The following KCNQ5 variants were observed in gnomAD, a reference collection of about 807,000 sequenced individuals.
KCNQ5 encodes the protein potassium voltage-gated channel subfamily Q member 5, also known as potassium voltage-gated channel subfamily KQT member 5.
A neutral mutation model predicts 98.2 loss-of-function variants in KCNQ5; 30 were observed. That is an observed-to-expected ratio of 0.31 (90% CI 0.23 to 0.41). The LOEUF (loss-of-function observed/expected upper bound fraction) is 0.41. Among genes scored for constraint, KCNQ5 ranks in the 10% least tolerant of loss-of-function variants. KCNQ5 has a pLI of 1.00. For missense variants in KCNQ5, 835 were observed against 1,182.5 expected (o/e 0.71, Z 4.31); for synonymous variants, 458 against 449.4 (o/e 1.02, Z -0.24).
At chr6:73,062,329 A>C (rs1468481850) in intron 3 of KCNQ5, among the ~76,000 whole-genome samples, 1 of 152,180 alleles carries the variant, frequency 6.6e-6, no homozygotes, top group East Asian at 1.9e-4. Context: ...AGCGTCTTCT[A>C]TGCAAACCAT....
chr6:72,788,618 T>C (rs1217015545), intron 1 of KCNQ5, among the ~76,000 whole-genome samples: 1 of 152,252 alleles, frequency 6.6e-6, no homozygotes, highest in African/African-American at 2.4e-5. Flanking sequence ...TATTTTATTG[T>C]TTGAACAAAT....
chr6:73,103,783 G>A (rs1034142136), intron 5 of KCNQ5, among the ~76,000 whole-genome samples: 11 of 152,054 alleles, frequency 7.2e-5, no homozygotes, highest in Non-Finnish European at 1.0e-4. Flanking sequence ...AGTGAATAAC[G>A]TCTAGTATTT....
intron 11 of KCNQ5, among the ~76,000 whole-genome samples, chr6:73,188,313 T>C (rs1765457661): frequency 6.6e-6 from 1 of 152,180 alleles, no homozygotes; most frequent in South Asian, 2.1e-4. Flanking sequence ...TCTTATCAAG[T>C]GCTATTGAAG....
At chr6:72,790,815 C>T (rs766995716) in intron 1 of KCNQ5, among the ~76,000 whole-genome samples, 2 of 151,976 alleles carry the variant, frequency 1.3e-5, no homozygotes, top group Admixed American at 6.6e-5. Context: ...ATAAAGTACA[C>T]GGTATTAAAC....
At chr6:73,075,167 T>G (rs908648237) in intron 3 of KCNQ5, among the ~76,000 whole-genome samples, 6 of 152,108 alleles carry the variant, frequency 3.9e-5, no homozygotes, top group African/African-American at 1.4e-4. Context: ...ATGCATATAT[T>G]CACTTCAGCT....
At chr6:72,739,869 G>C (rs886583046) in intron 1 of KCNQ5, among the ~76,000 whole-genome samples, 1 of 152,138 alleles carries the variant, frequency 6.6e-6, no homozygotes, top group Non-Finnish European at 1.5e-5. Context: ...AATATTTATA[G>C]CACTGTAAGT....
At chr6:72,946,317 G>A (rs868579403) in intron 1 of KCNQ5, among the ~76,000 whole-genome samples, 1 of 152,020 alleles carries the variant, frequency 6.6e-6, no homozygotes, top group Non-Finnish European at 1.5e-5. Flanking sequence ...CTATTAAAAG[G>A]AATAAAAATA....
At chr6:72,945,887 C>T (rs930364431) in intron 1 of KCNQ5, among the ~76,000 whole-genome samples, 3 of 152,136 alleles carry the variant, frequency 2.0e-5, no homozygotes, top group African/African-American at 7.2e-5. Context: ...ATTGACCGCT[C>T]ACAAATTTTA....
intron 1 of KCNQ5, among the ~76,000 whole-genome samples, chr6:72,735,031 G>A (rs1561950001): frequency 6.6e-6 from 1 of 152,148 alleles, no homozygotes; most frequent in Non-Finnish European, 1.5e-5. Context: ...CAAGAGGAAG[G>A]CCATTGGTTA....
In KCNQ5 at chr6:72,710,005, T is replaced by A. The variant is rs189959867; in HGVS notation, c.398+87418T>A. Among the ~76,000 whole-genome samples the A allele has an allele frequency of 2.2e-3, 331 of 151,968 alleles. 5 individuals are homozygous for A. Among genetic ancestry groups the A allele is most frequent in the Admixed American group, 0.019 (291 of 15,266 alleles). On this transcript the variant is annotated intron_variant, in intron 1 of 13. Transcript: ENST00000370398. ...TAAAGCTATATAAGGGCACAGAAAA[T>A]TTGAGGGGTTGAAATAACATGTTTA...
At position 72,751,151 on chromosome 6, in the gene KCNQ5, A is replaced by G. The variant is rs545209775; in HGVS notation, c.398+128564A>G. On this transcript the variant is annotated intron_variant, in intron 1 of 13. Transcript: ENST00000370398. ...TAGGGAGGGAGACACATAGGAGAGT[A>G]AGAAGTAGCATTTGAATTGGATTTT... Among the ~76,000 whole-genome samples, 10 of 152,170 alleles carry G rather than the reference A, an allele frequency of 6.6e-5. 1 individual carries two copies. Among genetic ancestry groups the G allele is most frequent in the African/African-American group, 2.4e-4 (10 of 41,548 alleles).
chr6:72,973,208 T>C lies in KCNQ5; in HGVS notation c.399-30700T>C, dbSNP rs74413876. 2.2e-3 allele frequency among the ~76,000 whole-genome samples: 337 copies of C among 152,336 alleles called. 2 individuals carry two copies. The highest frequency in any genetic ancestry group is 7.8e-3 in the African/African-American group (325 of 41,576). On this transcript the variant is annotated intron_variant, in intron 1 of 13. Transcript: ENST00000370398. ...GTTACAGGTTATCATAGTCATATCA[T>C]ATTGATAGGCCTATAAATGTTTTAC...
intron 1 of KCNQ5, among the ~76,000 whole-genome samples, chr6:72,846,491 T>C (rs147641794): frequency 1.3e-5 from 2 of 149,600 alleles, no homozygotes; most frequent in East Asian, 3.9e-4. Flanking sequence ...CTAGGAAACA[T>C]AGTGAGACCT....
chr6:73,106,281 C>T (rs541838216), intron 6 of KCNQ5, among the ~76,000 whole-genome samples: 1 of 152,246 alleles, frequency 6.6e-6, no homozygotes, highest in East Asian at 1.9e-4. Context: ...GATCGTTCTG[C>T]CCCAGAACAC....
chr6:72,839,127 A>G (rs1453347070), intron 1 of KCNQ5, among the ~76,000 whole-genome samples: 1 of 150,780 alleles, frequency 6.6e-6, no homozygotes, highest in Non-Finnish European at 1.5e-5. Flanking sequence ...TTTCGAGAGC[A>G]GTAGGTTTTA....
intron 6 of KCNQ5, among the ~76,000 whole-genome samples, chr6:73,106,407 G>A (rs1775002840): frequency 6.6e-6 from 1 of 152,176 alleles, no homozygotes; most frequent in Admixed American, 6.5e-5. Context: ...TACTAGGGCT[G>A]CCTTAACAAG....
chr6:72,808,638 T>C (rs1044093608), intron 1 of KCNQ5, among the ~76,000 whole-genome samples: 2 of 152,074 alleles, frequency 1.3e-5, no homozygotes, highest in Non-Finnish European at 1.5e-5. Flanking sequence ...AGGTGGTGAA[T>C]GAAGAATAAC....
At chr6:72,741,834 CT>C (rs1306355590) in intron 1 of KCNQ5, among the ~76,000 whole-genome samples, 1 of 152,130 alleles carries the variant, frequency 6.6e-6, no homozygotes, top group Non-Finnish European at 1.5e-5. Context: ...TCTGTCTTTT[CT>C]TAAGAATATG....
intron 2 of KCNQ5, among the ~76,000 whole-genome samples, chr6:73,035,812 T>A (rs1354812764): frequency 6.6e-6 from 1 of 152,156 alleles, no homozygotes; most frequent in Admixed American, 6.5e-5. Flanking sequence ...TTGAGATAAT[T>A]GTAGATTCAC....
Sources: gnomAD v4.1 joint callset for allele counts (sites outside exome capture counted in the v4.1 genomes callset) on GRCh38, gnomAD v4.1.1 for gene constraint, MANE v1.5 for transcripts, NCBI Gene and HGNC (gene_info 2026-07-23, HGNC 2026-07-21) for gene names.